PCDH11X: variants seen among roughly 807,000 people sequenced by gnomAD.
The protein encoded by PCDH11X is protocadherin 11 X-linked, also known as protocadherin-11 X-linked.
In PCDH11X, 18 loss-of-function variants were observed where a neutral mutation model predicts 53.3. That is an observed-to-expected ratio of 0.34 (90% CI 0.23 to 0.50). The LOEUF (loss-of-function observed/expected upper bound fraction) is 0.50. Ranked by LOEUF, PCDH11X falls within the 20% of genes least tolerant of loss-of-function variation. The pLI is 0.98. For missense variants in PCDH11X, 570 were observed against 1,032.4 expected (o/e 0.55, Z 6.14); for synonymous variants, 279 against 393.3 (o/e 0.71, Z 3.44).
intron 4 of PCDH11X, among the ~76,000 whole-genome samples, chrX:91,814,136 T>C (rs1936380539): frequency 1.8e-5 from 2 of 109,799 alleles, no homozygotes; most frequent in South Asian, 3.9e-4. Flanking sequence ...TTTCAAGATA[T>C]ATTGCACGTA....
intron 9 of PCDH11X, among the ~76,000 whole-genome samples, chrX:92,423,141 C>T (rs6615385): frequency 0.14 from 11,270 of 81,140 alleles, 1,850 homozygotes; most frequent in East Asian, 0.68. Flanking sequence ...TGAGCCACCG[C>T]GCCCAGCCTG....
chrX:92,599,261 A>T (rs1925974985), intron 10 of PCDH11X, among the ~76,000 whole-genome samples: 1 of 111,767 alleles, frequency 8.9e-6, no homozygotes. Context: ...TCATGGTGTG[A>T]TTGTTACACT....
chrX:92,554,692 CA>C (rs1273173265), intron 10 of PCDH11X, among the ~76,000 whole-genome samples: 4 of 109,032 alleles, frequency 3.7e-5, no homozygotes, highest in Non-Finnish European at 7.6e-5. Context: ...TTAATGGCTA[CA>C]AAAAATAATT....
chrX:91,957,034 G>A (rs2061719363), intron 6 of PCDH11X, among the ~76,000 whole-genome samples: 1 of 108,538 alleles, frequency 9.2e-6, no homozygotes, highest in Admixed American at 9.9e-5. Context: ...TCTATGCTCT[G>A]CTTAGTCTAT....
intron 6 of PCDH11X, among the ~76,000 whole-genome samples, chrX:91,911,176 T>A (rs1227268655): frequency 9.0e-6 from 1 of 111,004 alleles, no homozygotes; most frequent in Non-Finnish European, 1.9e-5. Context: ...CGATAAATGT[T>A]AGGTCCTTTT....
In PCDH11X at chrX:92,479,321, T is replaced by G. The variant is rs1263035483; in HGVS notation, c.3367+10999T>G. ...CTTGGTTCTTTATGCAACTTAACAG[T>G]CTGTGCCTTTTAATTGAGAGCATTT... On this transcript the variant is annotated intron_variant, in intron 10 of 10. Transcript: ENST00000682573. 5.5e-5 allele frequency among the ~76,000 whole-genome samples: 6 copies of G among 109,739 alleles called. No homozygotes were observed. The East Asian group carries it at 1.7e-3, about 31-fold the overall frequency.
At chrX:92,490,882 G>A (rs1165671088) in intron 10 of PCDH11X, among the ~76,000 whole-genome samples, 1 of 109,718 alleles carries the variant, frequency 9.1e-6, no homozygotes, top group African/African-American at 3.3e-5. Context: ...ATGACAAATG[G>A]AAGAACAATT....
intron 6 of PCDH11X, among the ~76,000 whole-genome samples, chrX:92,059,802 G>A: frequency 9.1e-6 from 1 of 110,184 alleles, no homozygotes; most frequent in Middle Eastern, 4.7e-3. Context: ...TAATATAATA[G>A]TTTTATGATA....
intron 6 of PCDH11X, among the ~76,000 whole-genome samples, chrX:91,970,152 G>A (rs1404798818): frequency 9.0e-6 from 1 of 111,146 alleles, no homozygotes; most frequent in East Asian, 2.9e-4. Context: ...GACCTTCACA[G>A]TGAGTGTTAC....
intron 6 of PCDH11X, among the ~76,000 whole-genome samples, chrX:92,104,067 A>G (rs1349020692): frequency 3.6e-5 from 4 of 111,046 alleles, no homozygotes; most frequent in Non-Finnish European, 5.7e-5. Context: ...GAGCCTAAAC[A>G]CTATCTGATT....
At chrX:92,186,158 T>C (rs765955797) in intron 6 of PCDH11X, among the ~76,000 whole-genome samples, 14 of 111,937 alleles carry the variant, frequency 1.3e-4, no homozygotes, top group South Asian at 7.5e-4. Flanking sequence ...ATATACAGAA[T>C]TGAATACTAT....
intron 6 of PCDH11X, among the ~76,000 whole-genome samples, chrX:92,005,553 T>G (rs909083409): frequency 3.6e-5 from 4 of 112,199 alleles, no homozygotes; most frequent in African/African-American, 1.3e-4. Context: ...CTTATTGTAC[T>G]GACTCTGTCT....
chrX:91,835,328 A>C, intron 4 of PCDH11X, 133 bp from the exon 5 acceptor site: 2 of 1,185,642 alleles, frequency 1.7e-6, no homozygotes, highest in African/African-American at 3.5e-5. Context: ...ATCACTAATT[A>C]ACAGAGTGTC....
At chrX:92,188,721 T>C (rs771666569) in intron 6 of PCDH11X, among the ~76,000 whole-genome samples, 3 of 111,889 alleles carry the variant, frequency 2.7e-5, no homozygotes, top group South Asian at 7.4e-4. Context: ...AAGTGAAGCA[T>C]CTTTGCAAAT....
Position 92,201,918 on chromosome X carries a change from C to T in PCDH11X, c.3114+463C>T, listed in dbSNP as rs1172864328. ...GTAAATATGGTAGGTCTGCAGCAAA[C>T]TCTTCCCTTGGAGGGAAGAATTCAA... is the stretch of plus-strand genomic sequence containing the variant. On this transcript the variant is annotated intron_variant, in intron 7 of 10. Transcript: ENST00000682573. Among the ~76,000 whole-genome samples the T allele has an allele frequency of 3.6e-5, 4 of 111,705 alleles. No homozygotes were observed. In the South Asian group the frequency reaches 1.5e-3, roughly 42 times the overall value.
At chrX:92,340,661 G>A (rs1485295718) in intron 8 of PCDH11X, among the ~76,000 whole-genome samples, 1 of 112,024 alleles carries the variant, frequency 8.9e-6, no homozygotes, top group Non-Finnish European at 1.9e-5. Context: ...CGTGTCCCAA[G>A]GCTATGCAGG....
intron 6 of PCDH11X, among the ~76,000 whole-genome samples, chrX:91,981,782 T>A (rs752678910): frequency 9.3e-6 from 1 of 106,959 alleles, no homozygotes; most frequent in East Asian, 3.0e-4. Flanking sequence ...ACTCCTGTTG[T>A]TGTTGTTGTT....
At chrX:92,451,186 C>T (rs990253382) in intron 9 of PCDH11X, among the ~76,000 whole-genome samples, 5 of 110,798 alleles carry the variant, frequency 4.5e-5, no homozygotes, top group Admixed American at 9.7e-5. Context: ...CACAGTAACC[C>T]GACTGCTACA....
In PCDH11X at chrX:92,242,340, G is replaced by A. The variant is rs150561333; in HGVS notation, c.3115-20774G>A. Reference sequence around the variant, plus strand: ...GTAGAAGGATTGCTTGAGCCCAGGAGTTTGAGGCCAGCCTGGGCAACATAG... The same window carrying A: ...GTAGAAGGATTGCTTGAGCCCAGGAATTTGAGGCCAGCCTGGGCAACATAG... On this transcript the variant is annotated intron_variant, in intron 7 of 10. Coordinates refer to ENST00000682573, the MANE Select transcript of PCDH11X (RefSeq NM_032968.5). Among the ~76,000 whole-genome samples, 416 of 109,532 alleles carry A rather than the reference G, an allele frequency of 3.8e-3. 4 individuals carry two copies. Among genetic ancestry groups the A allele is most frequent in the African/African-American group, 0.012 (347 of 30,079 alleles).
Sources: gnomAD v4.1 joint callset for allele counts (sites outside exome capture counted in the v4.1 genomes callset) on GRCh38, gnomAD v4.1.1 for gene constraint, MANE v1.5 for transcripts, NCBI Gene and HGNC (gene_info 2026-07-23, HGNC 2026-07-21) for gene names.